NUP210: variants seen among roughly 807,000 people sequenced by gnomAD.
NUP210 encodes the protein nuclear pore membrane glycoprotein 210.
Under a neutral mutation model 196.0 loss-of-function variants are expected in NUP210, and 151 were observed. The ratio of observed to expected loss-of-function variants is 0.77; its 90% CI spans 0.67 to 0.88. NUP210 has a LOEUF of 0.88. Ranked by LOEUF, NUP210 falls within the 40% of genes least tolerant of loss-of-function variation. The probability of loss-of-function intolerance (pLI) is 0.00; values close to 1 mark genes in which losing one functional copy is unlikely to be tolerated. For synonymous variants in NUP210, 1,070 were observed against 1,052.7 expected (o/e 1.02, Z -0.32); for missense variants, 2,314 against 2,493.7 (o/e 0.93, Z 1.53).
intron 21 of NUP210, 65 bp downstream of exon 21, chr3:13,343,110 C>G: frequency 6.3e-7 from 1 of 1,590,918 alleles, no homozygotes; most frequent in Non-Finnish European, 8.6e-7. Flanking sequence ...ATTCCTCCCA[C>G]AGTCCCCTCC....
At chr3:13,326,035 A>T in intron 32 of NUP210, 104 bp from the exon 33 acceptor site, 1 of 1,457,768 alleles carries the variant, frequency 6.9e-7, no homozygotes, top group Non-Finnish European at 9.4e-7. Context: ...GGCTGCCGCT[A>T]CCCCCATGGG....
chr3:13,389,662 T>G (rs1272203718), intron 4 of NUP210, among the ~76,000 whole-genome samples: 2 of 151,866 alleles, frequency 1.3e-5, no homozygotes, highest in Non-Finnish European at 2.9e-5. Flanking sequence ...CGGCCTGGAG[T>G]TGCTGTAAGC....
chr3:13,409,390 C>T (rs1700093596), intron 1 of NUP210, among the ~76,000 whole-genome samples: 1 of 152,166 alleles, frequency 6.6e-6, no homozygotes, highest in South Asian at 2.1e-4. Context: ...GCTGCTCATC[C>T]CTTCCCACCA....
chr3:13,352,922 T>TG (rs1161314181), intron 18 of NUP210, among the ~76,000 whole-genome samples: 1 of 135,938 alleles, frequency 7.4e-6, no homozygotes, highest in Non-Finnish European at 1.6e-5. Flanking sequence ...GACTCAGCTA[T>TG]GGGGGGTGGG....
At chr3:13,360,579 C>T in intron 14 of NUP210, 88 bp from the exon 15 acceptor site, 1 of 985,706 alleles carries the variant, frequency 1.0e-6, no homozygotes, top group South Asian at 1.6e-5. Context: ...CCTCACCCCG[C>T]TTGTGGGGGC....
chr3:13,346,574 G>C (rs1697737291), intron 20 of NUP210, among the ~76,000 whole-genome samples: 1 of 152,218 alleles, frequency 6.6e-6, no homozygotes, highest in Non-Finnish European at 1.5e-5. Flanking sequence ...TGCAGCCAGA[G>C]GCAGCTCTGT....
At chr3:13,371,353 A>C (rs1275979181) in intron 13 of NUP210, among the ~76,000 whole-genome samples, 2 of 152,180 alleles carry the variant, frequency 1.3e-5, no homozygotes, top group Admixed American at 1.3e-4. Flanking sequence ...TCAGGCATGC[A>C]AAGTGCCTGT....
At chr3:13,336,295 C>T (rs1697214026) in intron 27 of NUP210, among the ~76,000 whole-genome samples, 1 of 152,306 alleles carries the variant, frequency 6.6e-6, no homozygotes, top group East Asian at 1.9e-4. Flanking sequence ...GTGCCCAGTA[C>T]CATTTCCCCA....
chr3:13,351,959 C>T lies in NUP210; in HGVS notation c.2755G>A (p.Gly919Ser). The stretch of plus-strand genomic sequence containing the variant: ...GTGTTGAGGAAGAAGTAACCTGAGC[C>T]TTCCCTGATGCGGAGCTCTGCCTGC... Reference protein sequence around the residue: ...GIQAELRIREGSGYFFLNTST... With the variant: ...GIQAELRIRESSGYFFLNTST... The change falls in exon 20 of 40, where the codon GGC (glycine) becomes AGC (serine). Residue 919 changes from glycine (G) to serine (S), a missense_variant. Coordinates refer to ENST00000254508, the MANE Select transcript of NUP210 (RefSeq NM_024923.4). The T allele has an allele frequency of 6.2e-7, 1 of 1,612,038 alleles. No individual in the cohort carries two copies. Among genetic ancestry groups the T allele is most frequent in the Non-Finnish European group, 8.5e-7 (1 of 1,178,470 alleles).
At chr3:13,318,913 G>A (rs749868425) in intron 39 of NUP210, among the ~76,000 whole-genome samples, 159 bp downstream of exon 39, 2 of 152,154 alleles carry the variant, frequency 1.3e-5, no homozygotes, top group Admixed American at 1.3e-4. Context: ...CCTCTGCCCC[G>A]ACCCTCCTGG....
At chr3:13,403,525 G>A (rs1424363733) in intron 1 of NUP210, among the ~76,000 whole-genome samples, 1 of 152,186 alleles carries the variant, frequency 6.6e-6, no homozygotes, top group Non-Finnish European at 1.5e-5. Flanking sequence ...GTCAACACAT[G>A]AGTCTGAGGG....
At chr3:13,413,927 G>C (rs986147341) in intron 1 of NUP210, among the ~76,000 whole-genome samples, 3 of 152,222 alleles carry the variant, frequency 2.0e-5, no homozygotes, top group Non-Finnish European at 4.4e-5. Context: ...CTTTTATTTT[G>C]AGGAAAATTA....
In NUP210 at chr3:13,365,817, G is replaced by T. The variant is rs1698511007; in HGVS notation, c.1932+129C>A. On this transcript the variant is annotated intron_variant, in intron 14 of 39. Transcript: ENST00000254508. Reference sequence around the variant, plus strand: ...CTGCTTTCAGCCAGAAATCATGGGAGAGGAAGCTGTGCCAAAAGCTATTTT... The same window carrying T: ...CTGCTTTCAGCCAGAAATCATGGGATAGGAAGCTGTGCCAAAAGCTATTTT... The T allele has an allele frequency of 5.0e-6, 5 of 1,000,000 alleles. 1 individual carries two copies. Among genetic ancestry groups the T allele is most frequent in the Non-Finnish European group, 7.7e-6 (5 of 652,448 alleles). The allele number at this position is 1,000,000 out of a possible 1,614,324, so 61.9% of individuals were successfully genotyped here. A position where few individuals can be genotyped will look rare whatever the true frequency, so the allele number is the denominator to read the frequency against.
chr3:13,414,577 C>T (rs899905314), intron 1 of NUP210, among the ~76,000 whole-genome samples: 2 of 152,326 alleles, frequency 1.3e-5, no homozygotes, highest in Admixed American at 6.5e-5. Context: ...CACATGGCCC[C>T]GCCCTGCCAA....
rs937752401 is a variant in NUP210, at chr3:13,356,756, G to A, written c.2328+1466C>T. On this transcript the variant is annotated intron_variant, in intron 16 of 39. Transcript: ENST00000254508. ...CACTGATGGATCACACAGCTACTCCGTGTTTGAGGTCCATTATTTTCTGGC... is the reference window on the plus strand; with the variant it reads ...CACTGATGGATCACACAGCTACTCCATGTTTGAGGTCCATTATTTTCTGGC... Among the ~76,000 whole-genome samples the A allele has an allele frequency of 2.6e-5, 4 of 152,220 alleles. No individual in the cohort carries two copies. In the South Asian group the frequency reaches 6.2e-4, roughly 24 times the overall value.
At position 13,325,789 on chromosome 3, in the gene NUP210, G is replaced by C; in HGVS notation, c.4644+6C>G. 1.2e-6 allele frequency: 2 copies of C among 1,613,538 alleles called. No individual in the cohort carries two copies. Among genetic ancestry groups the C allele is most frequent in the Non-Finnish European group, 1.7e-6 (2 of 1,179,902 alleles). Reference sequence around the variant, plus strand: ...CCACATGTGCCTCCGGCTGCTTAGAGCCCACCTCCTTGTAGGTCCTCAGGT... The same window carrying C: ...CCACATGTGCCTCCGGCTGCTTAGACCCCACCTCCTTGTAGGTCCTCAGGT... On this transcript the variant is annotated splice_donor_region_variant and intron_variant, in intron 33 of 39. Coordinates refer to ENST00000254508, the MANE Select transcript of NUP210 (RefSeq NM_024923.4).
At chr3:13,370,557 G>T (rs995502235) in intron 13 of NUP210, among the ~76,000 whole-genome samples, 1 of 152,188 alleles carries the variant, frequency 6.6e-6, no homozygotes, top group African/African-American at 2.4e-5. Context: ...CCTCCAGGAC[G>T]GTTGTGGCAG....
At chr3:13,351,020 A>G (rs1483811912) in intron 20 of NUP210, among the ~76,000 whole-genome samples, 2 of 152,260 alleles carry the variant, frequency 1.3e-5, no homozygotes, top group Non-Finnish European at 2.9e-5. Flanking sequence ...ATTGAAAAGT[A>G]TAACAGCTGA....
At chr3:13,413,342 C>T (rs1281188923) in intron 1 of NUP210, among the ~76,000 whole-genome samples, 2 of 151,804 alleles carry the variant, frequency 1.3e-5, no homozygotes, top group Non-Finnish European at 2.9e-5. Flanking sequence ...TGGTGGCAGG[C>T]GCCTGTAGTC....
Sources: gnomAD v4.1 joint callset for allele counts (sites outside exome capture counted in the v4.1 genomes callset) on GRCh38, gnomAD v4.1.1 for gene constraint, MANE v1.5 for transcripts, NCBI Gene and HGNC (gene_info 2026-07-23, HGNC 2026-07-21) for gene names.